Variants in DIP2B observed in about 807,000 individuals in gnomAD.
DIP2B encodes the protein DIP2 acetate--CoA ligase B (putative), also known as disco-interacting protein 2 homolog B.
DIP2B carries 76 observed loss-of-function variants against 198.0 expected under a neutral mutation model. That is an observed-to-expected ratio of 0.38 (90% CI 0.32 to 0.46). The LOEUF (loss-of-function observed/expected upper bound fraction) is 0.46. Ranked by LOEUF, DIP2B falls within the 20% of genes least tolerant of loss-of-function variation. The probability of loss-of-function intolerance (pLI) is 0.99; values close to 1 mark genes in which losing one functional copy is unlikely to be tolerated. For synonymous variants in DIP2B, 701 were observed against 739.1 expected, an observed-to-expected ratio of 0.95 and a Z score of 0.84; for missense variants, 1,559 against 1,978.4, an observed-to-expected ratio of 0.79 and a Z score of 4.02.
At chr12:50,661,940 CCT>C (rs1938655824) in intron 4 of DIP2B, among the ~76,000 whole-genome samples, 1 of 152,134 alleles carries the variant, frequency 6.6e-6, no homozygotes, top group African/African-American at 2.4e-5. Flanking sequence ...GGAGTGGAAA[CCT>C]TTTTTATCCG....
chr12:50,723,137 CT>C (rs1939871856), intron 26 of DIP2B, 64 bp from the exon 27 acceptor site: 4 of 1,584,740 alleles, frequency 2.5e-6, no homozygotes, highest in Non-Finnish European at 3.4e-6. Flanking sequence ...GAAAATTTGC[CT>C]TTTAGTTTCT....
At position 50,745,219 on chromosome 12, in the gene DIP2B, C is replaced by T. The variant is rs533984733; in HGVS notation, c.*380C>T. The T allele has an allele frequency of 5.4e-5, 13 of 239,718 alleles. No homozygotes were observed. The South Asian group carries it at 7.1e-4, about 13-fold the overall frequency. 14.8% of individuals were successfully genotyped at this position (239,718 alleles called of 1,614,324 possible). ...AGTCTGAGTGACACAGTTCCCCACT[C>T]CGTACTGTATTTTGCCATTCTGCCG... On this transcript the variant is annotated 3_prime_UTR_variant, in exon 38 of 38. Coordinates refer to ENST00000301180, the MANE Select transcript of DIP2B (RefSeq NM_173602.3).
chr12:50,527,878 C>T (rs1958180650), intron 1 of DIP2B, among the ~76,000 whole-genome samples: 1 of 151,068 alleles, frequency 6.6e-6, no homozygotes, highest in South Asian at 2.1e-4. Flanking sequence ...CTTTTTCTTA[C>T]AATTTCAGTT....
intron 1 of DIP2B, among the ~76,000 whole-genome samples, chr12:50,584,031 A>G (rs1274131071): frequency 6.6e-6 from 1 of 152,128 alleles, no homozygotes; most frequent in Non-Finnish European, 1.5e-5. Context: ...TCCATTGCCC[A>G]ACCTCTGAAT....
At chr12:50,529,491 T>C (rs10783368) in intron 1 of DIP2B, among the ~76,000 whole-genome samples, 131,818 of 152,102 alleles carry the variant, frequency 0.87, 58,409 homozygotes, top group Non-Finnish European at 0.98. Context: ...TTGTCAATCA[T>C]TGAAGCGTGT....
intron 36 of DIP2B, 83 bp from the exon 37 acceptor site, chr12:50,741,333 C>G (rs1940238465): frequency 1.6e-5 from 24 of 1,514,006 alleles, no homozygotes; most frequent in Non-Finnish European, 2.1e-5. Context: ...GACAGGCAGT[C>G]TGACCCCTGT....
chr12:50,569,643 C>G (rs1958596124), intron 1 of DIP2B, among the ~76,000 whole-genome samples: 1 of 152,166 alleles, frequency 6.6e-6, no homozygotes, highest in African/African-American at 2.4e-5. Flanking sequence ...GGCCACCAGA[C>G]TGTTTTCTTT....
intron 1 of DIP2B, among the ~76,000 whole-genome samples, chr12:50,525,581 G>A (rs183457538): frequency 8.3e-4 from 124 of 150,186 alleles, no homozygotes; most frequent in African/African-American, 2.9e-3. Flanking sequence ...GGTGTACATG[G>A]AGCTCACTGC....
Position 50,520,271 on chromosome 12 carries a change from C to T in DIP2B, c.100+15031C>T, listed in dbSNP as rs923845817. 5.3e-5 allele frequency among the ~76,000 whole-genome samples: 8 copies of T among 151,984 alleles called. No homozygotes were observed. In the East Asian group the frequency reaches 7.7e-4, roughly 15 times the overall value. ...CAGGCTGGTCTCAAACTCGTGACCT[C>T]GTGATCTGCCCGCCTCGGCCTTCCA... On this transcript the variant is annotated intron_variant, in intron 1 of 37. Transcript: ENST00000301180.
intron 1 of DIP2B, among the ~76,000 whole-genome samples, chr12:50,527,122 T>C (rs1408297410): frequency 1.3e-5 from 2 of 152,260 alleles, no homozygotes; most frequent in African/African-American, 4.8e-5. Context: ...CGTCTTTTCT[T>C]GGCTACATTC....
chr12:50,566,337 G>A (rs781480910), intron 1 of DIP2B, among the ~76,000 whole-genome samples: 33 of 152,282 alleles, frequency 2.2e-4, no homozygotes, highest in Non-Finnish European at 4.0e-4. Flanking sequence ...ACCATGCCCA[G>A]CCAATAGTAC....
chr12:50,560,057 A>C (rs1026577419), intron 1 of DIP2B, among the ~76,000 whole-genome samples: 2 of 152,128 alleles, frequency 1.3e-5, no homozygotes, highest in Admixed American at 6.6e-5. Context: ...TGGGTGGATC[A>C]CTTGAGGCCA....
rs1347616580 is a variant in DIP2B at position 50,674,455 on chromosome 12, C to T, written c.641-19C>T. On this transcript the variant is annotated intron_variant, in intron 5 of 37. Transcript: ENST00000301180. ...GTTTTGCTGCTAATATAATTCTAAA[C>T]TTTGTTTTCTCCTCTCAGAGAATTT... The T allele has an allele frequency of 6.2e-7, 1 of 1,613,984 alleles. No homozygotes were observed. Among genetic ancestry groups the T allele is most frequent in the Non-Finnish European group, 8.5e-7 (1 of 1,179,876 alleles).
intron 3 of DIP2B, among the ~76,000 whole-genome samples, chr12:50,658,235 C>G (rs1938588078): frequency 6.6e-6 from 1 of 152,074 alleles, no homozygotes; most frequent in East Asian, 1.9e-4. Context: ...CTGCTGGGTT[C>G]AAGTGATTCT....
chr12:50,663,333 T>C (rs996245883), intron 4 of DIP2B, among the ~76,000 whole-genome samples: 4 of 123,640 alleles, frequency 3.2e-5, no homozygotes, highest in African/African-American at 9.4e-5. Context: ...CCGAGGCGGG[T>C]GGATCACAAG....
rs1354424699 is a variant in DIP2B, at chr12:50,745,616, A to G, written c.*777A>G. The G allele has an allele frequency of 1.3e-5, 2 of 152,558 alleles. No homozygotes were observed. The highest frequency in any genetic ancestry group is 2.9e-5 in the Non-Finnish European group (2 of 68,020). 9.5% of individuals were successfully genotyped at this position (152,558 alleles called of 1,614,324 possible). On this transcript the variant is annotated 3_prime_UTR_variant, in exon 38 of 38. Coordinates refer to ENST00000301180, the MANE Select transcript of DIP2B (RefSeq NM_173602.3). The stretch of plus-strand genomic sequence containing the variant: ...TGTATTTTATAAACTAAAGCTGCCT[A>G]TGTTTCTTTTTAAAGCTCGCATTCC...
chr12:50,667,593 C>G (rs911214105), intron 4 of DIP2B, among the ~76,000 whole-genome samples: 2 of 152,080 alleles, frequency 1.3e-5, no homozygotes, highest in African/African-American at 4.8e-5. Context: ...TAACTTTACC[C>G]GGATAGTTTC....
intron 1 of DIP2B, among the ~76,000 whole-genome samples, chr12:50,518,744 T>C (rs1958088707): frequency 1.0e-5 from 1 of 97,944 alleles, no homozygotes; most frequent in Admixed American, 1.0e-4. Flanking sequence ...AACTTCTGTC[T>C]TTTTTTGTTT....
chr12:50,670,616 C>T (rs990081094), intron 4 of DIP2B, among the ~76,000 whole-genome samples: 2 of 151,954 alleles, frequency 1.3e-5, no homozygotes, highest in Non-Finnish European at 1.5e-5. Context: ...GGGGTTTCAC[C>T]GTGTTGGCCA....
Sources: allele counts gnomAD v4.1 joint callset (sites outside exome capture counted in the v4.1 genomes callset), GRCh38; gene constraint gnomAD v4.1.1; transcripts MANE v1.5; gene names NCBI Gene and HGNC (gene_info 2026-07-23, HGNC 2026-07-21).